Variants in GNE observed in about 807,000 individuals in gnomAD.
GNE encodes the protein bifunctional UDP-N-acetylglucosamine 2-epimerase/N-acetylmannosamine kinase.
A neutral mutation model predicts 61.8 loss-of-function variants in GNE; 41 were observed. The observed-to-expected ratio is 0.66, with a 90% CI of 0.52 to 0.86. GNE has a LOEUF of 0.86. Among genes scored for constraint, GNE ranks in the 40% least tolerant of loss-of-function variants. The probability of loss-of-function intolerance (pLI) is 0.00; values close to 1 mark genes in which losing one functional copy is unlikely to be tolerated. For synonymous variants in GNE, 264 were observed against 326.4 expected, an observed-to-expected ratio of 0.81 and a Z score of 2.06; for missense variants, 608 against 909.1, an observed-to-expected ratio of 0.67 and a Z score of 4.26.
At position 36,256,965 on chromosome 9, in the gene GNE, G is replaced by A. The variant is rs138323601; in HGVS notation, c.-43+1356C>T. On this transcript the variant is annotated intron_variant, in intron 1 of 11. Transcript: ENST00000642385. ...CTGACGCCTGTAACCCCAGCACTTT[G>A]GGAAGCCGAGATGGGCGGATCACTT... Among the ~76,000 whole-genome samples, 821 of 152,252 alleles carry A rather than the reference G, an allele frequency of 5.4e-3. 9 individuals carry two copies. Among genetic ancestry groups the A allele is most frequent in the African/African-American group, 0.018 (753 of 41,550 alleles).
chr9:36,242,821 A>G (rs955840114), intron 3 of GNE, among the ~76,000 whole-genome samples: 1 of 142,250 alleles, frequency 7.0e-6, no homozygotes, highest in Non-Finnish European at 1.5e-5. Context: ...CTCGGCTCAC[A>G]GCAACCTCCC....
upstream of GNE, among the ~76,000 whole-genome samples, chr9:36,260,173 T>C (rs1175424575): frequency 6.6e-6 from 1 of 151,522 alleles, no homozygotes; most frequent in African/African-American, 2.4e-5. Context: ...CCCAGCACTT[T>C]GGAAGGCAGA....
At chr9:36,230,589 T>A (rs552191664) in intron 5 of GNE, among the ~76,000 whole-genome samples, 1 of 151,824 alleles carries the variant, frequency 6.6e-6, no homozygotes, top group East Asian at 1.9e-4. Flanking sequence ...CCTGAGTAAC[T>A]AGGACCACAG....
chr9:36,263,235 A>G (rs540729354), upstream of GNE: 244 of 163,658 alleles, frequency 1.5e-3, 1 homozygote, highest in African/African-American at 5.4e-3. Context: ...CAATGGCGTC[A>G]TCTCGGCTCA....
In GNE at chr9:36,216,783, T is replaced by C. The variant is rs999645453; in HGVS notation, c.*582A>G. The C allele has an allele frequency of 2.4e-4, 39 of 161,682 alleles. No homozygotes were observed. The highest frequency in any genetic ancestry group is 8.0e-4 in the Admixed American group (14 of 17,416). The allele number at this position is 161,682 out of a possible 1,614,324, so 10.0% of individuals were successfully genotyped here. ...GCCTCCCTGGTTCATGCCATTCTCCTGCCTCAGCCTCCCGAGTAGCTGGGA... is the reference window on the plus strand; with the variant it reads ...GCCTCCCTGGTTCATGCCATTCTCCCGCCTCAGCCTCCCGAGTAGCTGGGA... On this transcript the variant is annotated 3_prime_UTR_variant, in exon 12 of 12. Coordinates refer to ENST00000642385, the MANE Select transcript of GNE (RefSeq NM_005476.7).
chr9:36,236,745 G>A, intron 4 of GNE, 87 bp downstream of exon 4: 2 of 1,141,386 alleles, frequency 1.8e-6, no homozygotes, highest in Non-Finnish European at 2.7e-6. Flanking sequence ...GATAAGATGA[G>A]CAAGATAGGA....
chr9:36,228,053 A>C (rs1828973124), intron 6 of GNE, among the ~76,000 whole-genome samples: 1 of 145,570 alleles, frequency 6.9e-6, no homozygotes, highest in Non-Finnish European at 1.5e-5. Flanking sequence ...AAAAAAAAAC[A>C]ACCAACAATA....
At chr9:36,265,519 A>G in intron 1 of GNE, 2 of 455,878 alleles carry the variant, frequency 4.4e-6, no homozygotes, top group Non-Finnish European at 8.8e-6. Flanking sequence ...AAACTGAGCA[A>G]TTCATCACCA....
rs182122820 is a variant in GNE at position 36,269,950 on chromosome 9, C to A, written c.51+6944G>T. On this transcript the variant is annotated intron_variant, in intron 1 of 11. Transcript: ENST00000396594. ...GTGTTGGGATTACAGGCGTGAGCCA[C>A]CGCGCCCGGCCGGTTGTTGGGTTTT... Among the ~76,000 whole-genome samples, 398 of 152,224 alleles carry A rather than the reference C, an allele frequency of 2.6e-3. 1 individual carries two copies. The highest frequency in any genetic ancestry group is 9.0e-3 in the African/African-American group (373 of 41,536).
In GNE at chr9:36,223,299, A is replaced by C. The variant is rs148708894; in HGVS notation, c.1411+74T>G. 6.4e-3 allele frequency: 8,472 copies of C among 1,322,422 alleles called. 42 individuals are homozygous for C. Among genetic ancestry groups the C allele is most frequent in the Middle Eastern group, 8.2e-3 (44 of 5,354 alleles). 81.9% of individuals were successfully genotyped at this position (1,322,422 alleles called of 1,614,324 possible). On this transcript the variant is annotated intron_variant, in intron 8 of 11. Transcript: ENST00000642385. Reference sequence around the variant, plus strand: ...CAGGGCAGACACTGACTTGATGCTCAGGCATGCATCACAAGTTAGTAAATT... The same window carrying C: ...CAGGGCAGACACTGACTTGATGCTCCGGCATGCATCACAAGTTAGTAAATT...
intron 4 of GNE, among the ~76,000 whole-genome samples, chr9:36,234,630 GCTT>G (rs1194429405): frequency 6.6e-6 from 1 of 152,074 alleles, no homozygotes; most frequent in Non-Finnish European, 1.5e-5. Flanking sequence ...GATAACTGTG[GCTT>G]CTATTTTAAC....
At chr9:36,271,113 G>A (rs1388411222) in intron 1 of GNE, among the ~76,000 whole-genome samples, 1 of 151,988 alleles carries the variant, frequency 6.6e-6, no homozygotes, top group East Asian at 1.9e-4. Context: ...GTCATTTAAG[G>A]TCCTCCACAA....
chr9:36,258,535 AC>A, upstream of GNE: 1 of 984,992 alleles, frequency 1.0e-6, no homozygotes, highest in Non-Finnish European at 1.2e-6. Flanking sequence ...CCCTGACGCC[AC>A]CCGAGAGAGC....
chr9:36,243,120 C>G (rs1055754854), intron 3 of GNE, among the ~76,000 whole-genome samples: 3 of 152,050 alleles, frequency 2.0e-5, no homozygotes, highest in Non-Finnish European at 2.9e-5. Flanking sequence ...TCATGGCTCA[C>G]TTCAGTCTTG....
At chr9:36,255,400 C>T (rs777925598) in intron 1 of GNE, among the ~76,000 whole-genome samples, 11 of 152,146 alleles carry the variant, frequency 7.2e-5, no homozygotes, top group East Asian at 3.9e-4. Context: ...AGTTGAGACG[C>T]GGTTTCAACT....
intron 4 of GNE, among the ~76,000 whole-genome samples, chr9:36,235,863 A>G (rs1326273819): frequency 6.6e-6 from 1 of 152,222 alleles, no homozygotes; most frequent in Non-Finnish European, 1.5e-5. Context: ...GAACTCAACA[A>G]TGAGTGGTGT....
At chr9:36,233,462 T>G (rs548691231) in intron 5 of GNE, among the ~76,000 whole-genome samples, 1 of 152,162 alleles carries the variant, frequency 6.6e-6, no homozygotes, top group South Asian at 2.1e-4. Context: ...GTCAGGAGAT[T>G]GAGACCATCC....
chr9:36,272,620 CAAAAAAAAA>C (rs58934783), intron 1 of GNE, among the ~76,000 whole-genome samples: 1 of 74,094 alleles, frequency 1.3e-5, no homozygotes, highest in Admixed American at 2.0e-4. Flanking sequence ...GACTCCGCCT[CAAAAAAAAA>C]AAAAAAAAAA....
chr9:36,251,459 C>A (rs763164525), intron 1 of GNE, among the ~76,000 whole-genome samples: 34 of 152,246 alleles, frequency 2.2e-4, no homozygotes, highest in Admixed American at 4.6e-4. Flanking sequence ...GTTGCCCAAG[C>A]TAGAGTGCAG....
Sources: allele counts gnomAD v4.1 joint callset (sites outside exome capture counted in the v4.1 genomes callset), GRCh38; gene constraint gnomAD v4.1.1; transcripts MANE v1.5; gene names NCBI Gene and HGNC (gene_info 2026-07-23, HGNC 2026-07-21).